TRIM59: variants seen among roughly 807,000 people sequenced by gnomAD.
TRIM59 encodes tripartite motif-containing protein 59.
TRIM59 carries 14 observed loss-of-function variants against 32.2 expected under a neutral mutation model. The observed-to-expected ratio is 0.43, with a 90% confidence interval of 0.29 to 0.68. TRIM59 has a LOEUF of 0.68. Ranked by LOEUF, TRIM59 falls within the 30% of genes least tolerant of loss-of-function variation. TRIM59 has a pLI of 0.15. For synonymous variants in TRIM59, 163 were observed against 155.1 expected (o/e 1.05, Z -0.38); for missense variants, 471 against 463.3 (o/e 1.02, Z -0.15).
intron 2 of TRIM59, among the ~76,000 whole-genome samples, chr3:160,443,765 G>A (rs1719379370): frequency 6.6e-6 from 1 of 151,898 alleles, no homozygotes; most frequent in South Asian, 2.1e-4. Context: ...TCAGCTTCCC[G>A]AGCAGCTAGG....
chr3:160,437,716 A>G lies in TRIM59; in HGVS notation c.*256T>C, dbSNP rs1577011290. 8.9e-7 allele frequency: 1 copy of G among 1,119,584 alleles called. No individual in the cohort carries two copies. The highest frequency in any genetic ancestry group is 1.6e-5 in the African/African-American group (1 of 61,920). The allele number at this position is 1,119,584 out of a possible 1,614,324, so 69.4% of individuals were successfully genotyped here. On this transcript the variant is annotated 3_prime_UTR_variant, in exon 3 of 3. Coordinates refer to ENST00000309784, the MANE Select transcript of TRIM59 (RefSeq NM_173084.3). ...TTAAATGTCACAGCAACATTATGTC[A>G]ACCATCATAAAGCCAATAAAAATGG...
chr3:160,439,179 T>C lies in TRIM59; in HGVS notation c.5A>G (p.His2Arg). MHNFEEELTCPI... is the reference protein window; with the variant it reads MRNFEEELTCPI... Reference sequence around the variant, plus strand: ...ACAAGTTAACTCTTCCTCAAAATTGTGCATTTCCTGTCAAGAGAAAAATGT... The same window carrying C: ...ACAAGTTAACTCTTCCTCAAAATTGCGCATTTCCTGTCAAGAGAAAAATGT... The change falls in exon 3 of 3, where the codon CAC becomes CGC. Residue 2 changes from histidine (H) to arginine (R), a missense_variant. Transcript: ENST00000309784. 6.7e-7 allele frequency: 1 copy of C among 1,490,604 alleles called. No individual in the cohort carries two copies. Among genetic ancestry groups the C allele is most frequent in the Middle Eastern group, 1.9e-4 (1 of 5,336 alleles). 92.3% of individuals were successfully genotyped at this position (1,490,604 alleles called of 1,614,324 possible).
chr3:160,448,918 C>T (rs1374638298), intron 1 of TRIM59, 123 bp from the exon 2 acceptor site: 2 of 446,458 alleles, frequency 4.5e-6, no homozygotes, highest in East Asian at 1.5e-4. Flanking sequence ...TTCAGAAAAG[C>T]CACAAACACC....
In TRIM59 at chr3:160,436,138, A is replaced by G; in HGVS notation, c.*1834T>C. 4 of 1,050,334 alleles carry G rather than the reference A, an allele frequency of 3.8e-6. No homozygotes were observed. The highest frequency in any genetic ancestry group is 9.0e-5 in the East Asian group (1 of 11,172). The allele number at this position is 1,050,334 out of a possible 1,614,324, so 65.1% of individuals were successfully genotyped here. On this transcript the variant is annotated 3_prime_UTR_variant, in exon 3 of 3. Coordinates refer to ENST00000309784, the MANE Select transcript of TRIM59 (RefSeq NM_173084.3). ...CACAATAGTTAATTGTGCTAGGTAT[A>G]AGTCTGATTCTAATAATAAATTGAT...
rs1577011387 is a variant in TRIM59 at position 160,437,807 on chromosome 3, TAA to T, written c.*163_*164del. 2.4e-6 allele frequency: 3 copies of T among 1,262,116 alleles called. No homozygotes were observed. The highest frequency in any genetic ancestry group is 3.9e-5 in the Admixed American group (1 of 25,776). 78.2% of individuals were successfully genotyped at this position (1,262,116 alleles called of 1,614,324 possible). ...CCCAAAGATTTGACTATTTCAGATA[TAA>T]CTTTGACATATCATTGCTAACCAAA... On this transcript the variant is annotated 3_prime_UTR_variant, in exon 3 of 3. Coordinates refer to ENST00000309784, the MANE Select transcript of TRIM59 (RefSeq NM_173084.3).
intron 2 of TRIM59, among the ~76,000 whole-genome samples, chr3:160,443,894 C>T (rs1719386151): frequency 1.3e-5 from 2 of 152,096 alleles, no homozygotes; most frequent in African/African-American, 4.8e-5. Context: ...CCTGCCTCGA[C>T]CTCCCAAAGT....
chr3:160,441,406 T>G (rs1242513796), intron 2 of TRIM59, among the ~76,000 whole-genome samples: 1 of 152,180 alleles, frequency 6.6e-6, no homozygotes, highest in African/African-American at 2.4e-5. Context: ...TTTTGTTTTT[T>G]TAATAGCAAA....
chr3:160,448,656 T>C, intron 2 of TRIM59, 70 bp downstream of exon 2: 1 of 885,646 alleles, frequency 1.1e-6, no homozygotes, highest in Non-Finnish European at 1.6e-6. Flanking sequence ...TTTCACTTTG[T>C]AGTTTAAATC....
chr3:160,436,160 T>C lies in TRIM59; in HGVS notation c.*1812A>G. ...TATAAGTCTGATTCTAATAATAAAT[T>C]GATATAATACAGTCATCTTAGTGTT... On this transcript the variant is annotated 3_prime_UTR_variant, in exon 3 of 3. Transcript: ENST00000309784. 5.8e-6 allele frequency: 6 copies of C among 1,032,180 alleles called. No homozygotes were observed. In the South Asian group the frequency reaches 2.0e-4, roughly 34 times the overall value. The allele number at this position is 1,032,180 out of a possible 1,614,324, so 63.9% of individuals were successfully genotyped here.
At position 160,439,113 on chromosome 3, in the gene TRIM59, G is replaced by A. The variant is rs1372068689; in HGVS notation, c.71C>T (p.Pro24Leu). Residue 24 changes from proline (P) to leucine (L), a missense_variant, in exon 3 of 3, where the codon CCA (proline) becomes CTA (leucine). Transcript: ENST00000309784. ...YSIFEDPRVLPCSHTFCRNCL... is the reference protein window; with the variant it reads ...YSIFEDPRVLLCSHTFCRNCL... The stretch of plus-strand genomic sequence containing the variant: ...ATTTCTACAAAATGTATGAGAGCAT[G>A]GCAGTACACGAGGATCTTCAAAAAT... The A allele has an allele frequency of 6.5e-7, 1 of 1,528,568 alleles. No individual in the cohort carries two copies. The highest frequency in any genetic ancestry group is 1.4e-5 in the African/African-American group (1 of 72,082). 94.7% of individuals were successfully genotyped at this position (1,528,568 alleles called of 1,614,324 possible). A position where few individuals can be genotyped will look rare whatever the true frequency, so the allele number is the denominator to read the frequency against.
Position 160,440,353 on chromosome 3 carries a change from C to T in TRIM59, c.-3-1167G>A, listed in dbSNP as rs536872092. On this transcript the variant is annotated intron_variant, in intron 2 of 2. Transcript: ENST00000309784. ...TCATCTTTCCTTCATGAAAGTCTCT[C>T]GATCCGTATTTCTCTGAGACAGAAA... 2.4e-4 allele frequency among the ~76,000 whole-genome samples: 36 copies of T among 152,288 alleles called. No individual in the cohort carries two copies. In the East Asian group the frequency reaches 4.8e-3, roughly 20 times the overall value.
chr3:160,438,264 A>G lies in TRIM59; in HGVS notation c.920T>C (p.Ile307Thr), dbSNP rs1439629395. 1.2e-6 allele frequency: 2 copies of G among 1,613,738 alleles called. No individual in the cohort carries two copies. Among genetic ancestry groups the G allele is most frequent in the South Asian group, 2.2e-5 (2 of 91,034 alleles). Reference sequence around the variant, plus strand: ...GGAACATGACATCCTTTTTGGAGAAATTTTCATTTTGGGAATGAGAACGTT... The same window carrying G: ...GGAACATGACATCCTTTTTGGAGAAGTTTTCATTTTGGGAATGAGAACGTT... ...IKNVLIPKMK[I>T]SPKRMSCSWP... The change falls in exon 3 of 3, where the codon ATT becomes ACT. Residue 307 changes from isoleucine (I) to threonine (T), a missense_variant. By Grantham distance (89) the Ile-to-Thr change is moderately conservative. Coordinates refer to ENST00000309784, the MANE Select transcript of TRIM59 (RefSeq NM_173084.3).
chr3:160,448,708 A>G lies in TRIM59; in HGVS notation c.-4+18T>C, dbSNP rs764221859. 2 of 1,247,450 alleles carry G rather than the reference A, an allele frequency of 1.6e-6. No individual in the cohort carries two copies. The highest frequency in any genetic ancestry group is 2.1e-6 in the Non-Finnish European group (2 of 953,312). The allele number at this position is 1,247,450 out of a possible 1,614,324, so 77.3% of individuals were successfully genotyped here. ...CTTAATTGTTTTTCATATTTATTTAATCTCCCAGATTACCTACTTTGTTGA... is the reference window on the plus strand; with the variant it reads ...CTTAATTGTTTTTCATATTTATTTAGTCTCCCAGATTACCTACTTTGTTGA... On this transcript the variant is annotated intron_variant, in intron 2 of 2. Transcript: ENST00000309784.
intron 2 of TRIM59, 141 bp from the exon 3 acceptor site, chr3:160,439,327 T>G (rs988667676): frequency 4.6e-6 from 3 of 653,298 alleles, no homozygotes; most frequent in Non-Finnish European, 6.9e-6. Context: ...TGAAGTTTTC[T>G]GAGTAATTCA....
chr3:160,448,624 G>GC, intron 2 of TRIM59, 102 bp downstream of exon 2: 2 of 672,508 alleles, frequency 3.0e-6, no homozygotes, highest in South Asian at 3.2e-5. Context: ...CCAACACAAT[G>GC]TTTTTTCAAA....
intron 2 of TRIM59, among the ~76,000 whole-genome samples, chr3:160,446,395 AAAC>A (rs1719529637): frequency 6.6e-6 from 1 of 152,208 alleles, no homozygotes; most frequent in South Asian, 2.1e-4. Flanking sequence ...ATGTTAGCAA[AAAC>A]AAACACAGGA....
In TRIM59 at chr3:160,437,178, C is replaced by G. The variant is rs879238756; in HGVS notation, c.*794G>C. 1.4e-6 allele frequency: 1 copy of G among 697,334 alleles called. No individual in the cohort carries two copies. Among genetic ancestry groups the G allele is most frequent in the Non-Finnish European group, 1.8e-6 (1 of 567,346 alleles). The allele number at this position is 697,334 out of a possible 1,614,324, so 43.2% of individuals were successfully genotyped here. A position where few individuals can be genotyped will look rare whatever the true frequency, so the allele number is the denominator to read the frequency against. On this transcript the variant is annotated 3_prime_UTR_variant, in exon 3 of 3. Coordinates refer to ENST00000309784, the MANE Select transcript of TRIM59 (RefSeq NM_173084.3). ...ACCAACCTGGGCAATATGGCAAAAC[C>G]TCGTTTCTACAAAAAACAATTTTTT... is the stretch of plus-strand genomic sequence containing the variant.
At chr3:160,441,493 C>T (rs769319851) in intron 2 of TRIM59, among the ~76,000 whole-genome samples, 3 of 152,036 alleles carry the variant, frequency 2.0e-5, no homozygotes, top group Non-Finnish European at 4.4e-5. Flanking sequence ...GGGGCTCACG[C>T]CTGTAATCTC....
chr3:160,437,204 T>A lies in TRIM59; in HGVS notation c.*768A>T, dbSNP rs1334610454. ...TCGTTTCTACAAAAAACAATTTTTT[T>A]AATTAGCCAGGCATGGGGGTGTGTG... On this transcript the variant is annotated 3_prime_UTR_variant, in exon 3 of 3. Transcript: ENST00000309784. The A allele has an allele frequency of 8.3e-6, 5 of 600,254 alleles. No individual in the cohort carries two copies. The East Asian group carries it at 7.0e-4, about 84-fold the overall frequency. The allele number at this position is 600,254 out of a possible 1,614,324, so 37.2% of individuals were successfully genotyped here.
Sources: gnomAD v4.1 joint callset for allele counts (sites outside exome capture counted in the v4.1 genomes callset) on GRCh38, gnomAD v4.1.1 for gene constraint, MANE v1.5 for transcripts, NCBI Gene and HGNC (gene_info 2026-07-23, HGNC 2026-07-21) for gene names.